Variants in LTBP3 observed in about 807,000 individuals in gnomAD.
LTBP3 encodes the protein latent transforming growth factor beta binding protein 3, also known as latent-transforming growth factor beta-binding protein 3.
In LTBP3, 97 loss-of-function variants were observed where a neutral mutation model predicts 159.7. That is an observed-to-expected ratio of 0.61 (90% confidence interval 0.52 to 0.72). LTBP3 has a LOEUF of 0.72. Ranked by LOEUF, LTBP3 falls within the 30% of genes least tolerant of loss-of-function variation. LTBP3 has a pLI of 0.00. For synonymous variants in LTBP3, 824 were observed against 777.1 expected, an observed-to-expected ratio of 1.06 and a Z score of -1.00; for missense variants, 1,584 against 1,864.3, an observed-to-expected ratio of 0.85 and a Z score of 2.77.
At chr11:65,550,893 C>CA (rs1261873589) in intron 11 of LTBP3, among the ~76,000 whole-genome samples, 3 of 152,210 alleles carry the variant, frequency 2.0e-5, no homozygotes, top group Non-Finnish European at 2.9e-5. Flanking sequence ...AGACCTGTAA[C>CA]ACTAATAAGT....
At chr11:65,541,407 C>T in intron 19 of LTBP3, 114 bp from the exon 20 acceptor site, 3 of 1,450,852 alleles carry the variant, frequency 2.1e-6, no homozygotes, top group African/African-American at 1.4e-5. Context: ...TTAGCCTCCT[C>T]CTGAGAGTTG....
Position 65,546,926 on chromosome 11 carries a change from C to T in LTBP3, c.2108-6G>A. 1.2e-5 allele frequency: 19 copies of T among 1,611,218 alleles called. No individual in the cohort carries two copies. Among genetic ancestry groups the T allele is most frequent in the East Asian group, 2.2e-5 (1 of 44,890 alleles). On this transcript the variant is annotated splice_polypyrimidine_tract_variant and splice_region_variant and intron_variant, in intron 14 of 27. Transcript: ENST00000301873. This position sits in a 1 kb window ranked among gnomAD's most constrained non-coding sequence, Gnocchi z 4.0. ...GTCCCGGCACTCGTCGATGTCTGCA[C>T]GGGAGGGAGAAGGAAGAGGACCCAT...
Position 65,547,469 on chromosome 11 carries a change from G to T in LTBP3, c.2077C>A (p.Leu693Ile), listed in dbSNP as rs763373574. The T allele has an allele frequency of 1.9e-6, 3 of 1,614,070 alleles. No homozygotes were observed. Among genetic ancestry groups the T allele is most frequent in the Admixed American group, 3.3e-5 (2 of 60,024 alleles). ...CACACAGGAGGCCGGGAGGCTTTGA[G>T]CCGGTAGCCGGGGTAGCAGTTGCAC... ...YKCNCYPGYR[L>I]KASRPPVCED... The change falls in exon 14 of 28, where the codon CTC becomes ATC. Residue 693 changes from leucine to isoleucine, a missense_variant. Physicochemically the swap from Leu to Ile is conservative, Grantham distance 5 (BLOSUM62 2). Transcript: ENST00000301873. The surrounding 1 kb of genome is among the most constrained non-coding windows in gnomAD (Gnocchi z 4.6).
rs1442604022 is a variant in LTBP3 at position 65,557,649 on chromosome 11, G to A, written c.311C>T (p.Thr104Met). The A allele has an allele frequency of 1.9e-6, 3 of 1,610,496 alleles. No homozygotes were observed. Among genetic ancestry groups the A allele is most frequent in the Admixed American group, 1.7e-5 (1 of 59,988 alleles). ...CTCACCCACGCGGAAGCCGGAGCCC[G>A]TGAGCGTGTCTGTGCTGTGGCCGTT... ...GENGHSTDTL[T>M]GSGFRVVVCP... Residue 104 changes from threonine (T) to methionine (M), a missense_variant, in exon 1 of 28, where the codon ACG becomes ATG. Thr to Met is a moderately conservative substitution (Grantham distance 81, BLOSUM62 -1). Transcript: ENST00000301873.
intron 1 of LTBP3, among the ~76,000 whole-genome samples, 173 bp downstream of exon 1, chr11:65,557,456 G>A (rs556552547): frequency 6.6e-6 from 1 of 151,756 alleles, no homozygotes; most frequent in Admixed American, 6.6e-5. Context: ...TCCAACTCTG[G>A]CCCCCAGAGT....
At chr11:65,542,915 AGGATGGAT>A (rs574821182) in intron 18 of LTBP3, 182 bp downstream of exon 18, 5 of 787,334 alleles carry the variant, frequency 6.4e-6, no homozygotes, top group Non-Finnish European at 1.0e-5. Context: ...GATGAATGGA[AGGATGGAT>A]GGATAGAAGG....
chr11:65,548,231 A>C, intron 11 of LTBP3, 186 bp from the exon 12 acceptor site: 1 of 820,008 alleles, frequency 1.2e-6, no homozygotes, highest in Non-Finnish European at 2.0e-6. Context: ...AAAGCTCCAA[A>C]CTAGGACTCC....
At position 65,552,454 on chromosome 11, in the gene LTBP3, C is replaced by T; in HGVS notation, c.1187-48G>A. 1.2e-6 allele frequency: 2 copies of T among 1,603,776 alleles called. No individual in the cohort carries two copies. Among genetic ancestry groups the T allele is most frequent in the Non-Finnish European group, 1.7e-6 (2 of 1,178,190 alleles). On this transcript the variant is annotated intron_variant, in intron 6 of 27. Transcript: ENST00000301873. The surrounding 1 kb of genome is among the most constrained non-coding windows in gnomAD (Gnocchi z 6.0). ...TGGGCATCTGAGCCTGCACATTGCC[C>T]ACGTCCCTCTGCCCAGCTGCTGCAG...
intron 11 of LTBP3, 143 bp from the exon 12 acceptor site, chr11:65,548,188 C>G (rs1225009357): frequency 8.0e-7 from 1 of 1,251,350 alleles, no homozygotes. Context: ...TCCTATTTCT[C>G]TCTTTTAGAT....
At chr11:65,550,941 C>A (rs923181521) in intron 11 of LTBP3, among the ~76,000 whole-genome samples, 185 bp downstream of exon 11, 9 of 152,242 alleles carry the variant, frequency 5.9e-5, no homozygotes, top group Non-Finnish European at 1.2e-4. Flanking sequence ...AATGGGCTAA[C>A]CACCATGCTA....
At chr11:65,540,411 G>A (rs999117304) in intron 22 of LTBP3, 29 bp from the exon 23 acceptor site, 1 of 1,606,764 alleles carries the variant, frequency 6.2e-7, no homozygotes, top group Non-Finnish European at 8.5e-7. Flanking sequence ...TGGGTAGCAG[G>A]GGCAGGCCCG....
chr11:65,547,867 A>C lies in LTBP3; in HGVS notation c.1847-46T>G. ...AAGAAAAGTCAAAGGAAGCGTCGTT[A>C]TCTGGGGTCCCCCCCCACCCACCTG... On this transcript the variant is annotated intron_variant, in intron 12 of 27. Coordinates refer to ENST00000301873, the MANE Select transcript of LTBP3 (RefSeq NM_001130144.3). The surrounding 1 kb of genome is among the most constrained non-coding windows in gnomAD (Gnocchi z 4.6). 6.2e-7 allele frequency: 1 copy of C among 1,613,158 alleles called. No individual in the cohort carries two copies. The highest frequency in any genetic ancestry group is 8.5e-7 in the Non-Finnish European group (1 of 1,179,906).
intron 10 of LTBP3, 78 bp downstream of exon 10, chr11:65,551,324 C>A: frequency 6.4e-7 from 1 of 1,562,134 alleles, no homozygotes; most frequent in Non-Finnish European, 8.7e-7. Context: ...TGACTGTCCC[C>A]GAGTACTTAA....
chr11:65,540,199 G>T (rs754617260), intron 23 of LTBP3, 46 bp from the exon 24 acceptor site: 1 of 1,543,488 alleles, frequency 6.5e-7, no homozygotes, highest in South Asian at 1.2e-5. Flanking sequence ...AGCTCGGCCC[G>T]GGCCCCGCCC....
At chr11:65,539,931 C>G (rs11227217) in intron 24 of LTBP3, 50 bp from the exon 25 acceptor site, 1 of 1,473,640 alleles carries the variant, frequency 6.8e-7, no homozygotes, top group Non-Finnish European at 8.9e-7. Flanking sequence ...AGGAACCGCC[C>G]GCCTCCGCCC....
Position 65,540,288 on chromosome 11 carries a change from C to G in LTBP3, c.3201G>C (p.Glu1067Asp), listed in dbSNP as rs569761308. The stretch of plus-strand genomic sequence containing the variant: ...GGCACTGGCGCTGCGCGGGACTGTA[C>G]TCGGCAGGGGGCGTGCAGGCACAGC... ...GYRCACTPPAEYSPAQRQCLS... is the reference protein window; with the variant it reads ...GYRCACTPPADYSPAQRQCLS... The change falls in exon 23 of 28, where the codon GAG (glutamate) becomes GAC (aspartate). Residue 1067 changes from glutamate (E) to aspartate (D), a missense_variant. Glu to Asp is a conservative substitution (Grantham distance 45). Transcript: ENST00000301873. 3 of 1,558,796 alleles carry G rather than the reference C, an allele frequency of 1.9e-6. No individual in the cohort carries two copies. The South Asian group carries it at 3.5e-5, about 18-fold the overall frequency.
rs778976026 is a variant in LTBP3, at chr11:65,547,978, G to T, written c.1788C>A (p.Asp596Glu). The change falls in exon 12 of 28, where the codon GAC (aspartate) becomes GAA (glutamate). Residue 596 changes from aspartate (D) to glutamate (E), a missense_variant. By Grantham distance (45) the Asp-to-Glu change is conservative (BLOSUM62 2). Transcript: ENST00000301873. This position sits in a 1 kb window ranked among gnomAD's most constrained non-coding sequence, Gnocchi z 4.6. ...AGCCGGGGTTGCAGTGGCAGGAGTA[G>T]TCAGGGGGGCCCGGCACGCACTCTC... is the stretch of plus-strand genomic sequence containing the variant. ...GHGECVPGPP[D>E]YSCHCNPGYR... The T allele has an allele frequency of 6.2e-6, 10 of 1,613,696 alleles. No homozygotes were observed. The highest frequency in any genetic ancestry group is 8.5e-6 in the Non-Finnish European group (10 of 1,180,002).
chr11:65,556,191 CACAG>C (rs981097075), intron 1 of LTBP3, among the ~76,000 whole-genome samples: 1 of 152,148 alleles, frequency 6.6e-6, no homozygotes, highest in African/African-American at 2.4e-5. Flanking sequence ...GTCACACACA[CACAG>C]AGACTCATCC....
At position 65,541,988 on chromosome 11, in the gene LTBP3, A is replaced by G. The variant is rs184242625; in HGVS notation, c.2597-260T>C. ...GCCCAAATGGAAAGGCCTCAAATGC[A>G]ATTGAGCTTCCGATACCTTTAGGTC... On this transcript the variant is annotated intron_variant, in intron 18 of 27. Coordinates refer to ENST00000301873, the MANE Select transcript of LTBP3 (RefSeq NM_001130144.3). 3 of 461,780 alleles carry G rather than the reference A, an allele frequency of 6.5e-6. No individual in the cohort carries two copies. In the Admixed American group the frequency reaches 9.7e-5, roughly 15 times the overall value. The allele number at this position is 461,780 out of a possible 1,614,324, so 28.6% of individuals were successfully genotyped here.
Sources: allele counts gnomAD v4.1 joint callset (sites outside exome capture counted in the v4.1 genomes callset), GRCh38; gene constraint gnomAD v4.1.1; non-coding constraint Gnocchi (gnomAD v3.1); transcripts MANE v1.5; gene names NCBI Gene and HGNC (gene_info 2026-07-23, HGNC 2026-07-21).